UPF3A: variants seen among roughly 807,000 people sequenced by gnomAD.
UPF3A encodes the protein regulator of nonsense transcripts 3A.
UPF3A carries 42 observed loss-of-function variants against 53.5 expected under a neutral mutation model. That is an observed-to-expected ratio of 0.78 (90% confidence interval 0.61 to 1.01). The LOEUF (loss-of-function observed/expected upper bound fraction) is 1.01, where lower values mean the gene tolerates loss of function less well. Among genes scored for constraint, UPF3A ranks in the 50% least tolerant of loss-of-function variants. The probability of loss-of-function intolerance (pLI) is 0.00; values close to 1 mark genes in which losing one functional copy is unlikely to be tolerated. For synonymous variants in UPF3A, 237 were observed against 225.3 expected, an observed-to-expected ratio of 1.05 and a Z score of -0.47; for missense variants, 575 against 598.0, an observed-to-expected ratio of 0.96 and a Z score of 0.40.
chr13:114,282,264 A>T lies in UPF3A; in HGVS notation c.314+137A>T, dbSNP rs901390573. ...TGAGCTTTTTGAATAAATACATTTC[A>T]GTAAAACGTGTCCGTTCCGTCAAAG... On this transcript the variant is annotated intron_variant, in intron 2 of 9. Coordinates refer to ENST00000375299, the MANE Select transcript of UPF3A (RefSeq NM_023011.4). The T allele has an allele frequency of 6.0e-6, 5 of 834,174 alleles. No individual in the cohort carries two copies. The South Asian group carries it at 9.2e-5, about 15-fold the overall frequency. The allele number at this position is 834,174 out of a possible 1,614,324, so 51.7% of individuals were successfully genotyped here. A position where few individuals can be genotyped will look rare whatever the true frequency, so the allele number is the denominator to read the frequency against.
At chr13:114,289,492 C>A (rs1302618686) in intron 5 of UPF3A, among the ~76,000 whole-genome samples, 1 of 149,802 alleles carries the variant, frequency 6.7e-6, no homozygotes, top group African/African-American at 2.5e-5. Flanking sequence ...CCACTGCACT[C>A]CAGCCTGGCG....
chr13:114,289,449 G>A (rs1181526871), intron 5 of UPF3A, among the ~76,000 whole-genome samples: 2 of 151,212 alleles, frequency 1.3e-5, no homozygotes, highest in Non-Finnish European at 2.9e-5. Context: ...GCTTGAACTC[G>A]GCAGGCGGAG....
At chr13:114,297,878 C>T (rs1259029246) in intron 7 of UPF3A, among the ~76,000 whole-genome samples, 2 of 152,092 alleles carry the variant, frequency 1.3e-5, no homozygotes, top group Non-Finnish European at 2.9e-5. Context: ...TGTGGTGGCA[C>T]GCCCCTGTAG....
intron 7 of UPF3A, among the ~76,000 whole-genome samples, chr13:114,296,032 G>A (rs1404405662): frequency 2.6e-5 from 4 of 152,152 alleles, no homozygotes; most frequent in African/African-American, 9.7e-5. Context: ...GAGGTCACCG[G>A]TGGCCAGTGA....
rs143694810 is a variant in UPF3A at position 114,296,123 on chromosome 13, G to A, written c.847-2717G>A. Among the ~76,000 whole-genome samples, 425 of 152,302 alleles carry A rather than the reference G, an allele frequency of 2.8e-3. 3 individuals carry two copies. Among genetic ancestry groups the A allele is most frequent in the African/African-American group, 7.3e-3 (305 of 41,580 alleles). ...CCAGGGGCCAGGCACAGTGGCTCAC[G>A]CCTGTAATCCCAGCTCTTTGGGGGG... is the stretch of plus-strand genomic sequence containing the variant. On this transcript the variant is annotated intron_variant, in intron 7 of 9. Transcript: ENST00000375299.
rs1464743437 is a variant in UPF3A, at chr13:114,305,351, G to A, written c.*434G>A. ...TTCTCGGTGGCCTCTGAGCCATGGTGTCGAGTGAAGAGTAGTTCTTGTTTG... is the reference window on the plus strand; with the variant it reads ...TTCTCGGTGGCCTCTGAGCCATGGTATCGAGTGAAGAGTAGTTCTTGTTTG... On this transcript the variant is annotated 3_prime_UTR_variant, in exon 10 of 10. Coordinates refer to ENST00000375299, the MANE Select transcript of UPF3A (RefSeq NM_023011.4). The A allele has an allele frequency of 2.3e-5, 6 of 260,208 alleles. No individual in the cohort carries two copies. In the East Asian group the frequency reaches 6.3e-4, roughly 27 times the overall value. The allele number at this position is 260,208 out of a possible 1,614,324, so 16.1% of individuals were successfully genotyped here.
At chr13:114,282,407 G>A in intron 2 of UPF3A, 1 of 1,215,548 alleles carries the variant, frequency 8.2e-7, no homozygotes. Flanking sequence ...TGCCCGCCCG[G>A]CGCCTCCCGG....
chr13:114,282,182 G>A (rs1341115868), intron 2 of UPF3A, 55 bp downstream of exon 2: 19 of 1,441,286 alleles, frequency 1.3e-5, no homozygotes, highest in Admixed American at 6.8e-5. Context: ...CTCGGCGGCG[G>A]TGGCCGTCTC....
At chr13:114,303,119 G>C (rs1347541184) in intron 9 of UPF3A, among the ~76,000 whole-genome samples, 1 of 152,040 alleles carries the variant, frequency 6.6e-6, no homozygotes, top group Non-Finnish European at 1.5e-5. Context: ...AAGTTTCAGT[G>C]AAGTCAAGGC....
At chr13:114,292,200 G>T (rs1594790314) in intron 7 of UPF3A, among the ~76,000 whole-genome samples, 1 of 150,998 alleles carries the variant, frequency 6.6e-6, no homozygotes, top group South Asian at 2.1e-4. Context: ...ACGTGCAGGT[G>T]TGTTACGTGT....
intron 7 of UPF3A, 99 bp downstream of exon 7, chr13:114,291,891 G>T: frequency 7.4e-7 from 1 of 1,347,212 alleles, no homozygotes; most frequent in Non-Finnish European, 1.0e-6. Context: ...AAAACATTCT[G>T]AATTAATCTA....
At chr13:114,286,701 T>G in intron 5 of UPF3A, 72 bp downstream of exon 5, 1 of 1,233,540 alleles carries the variant, frequency 8.1e-7, no homozygotes, top group Non-Finnish European at 1.1e-6. Context: ...TTTTTTCTCT[T>G]TTTCTTGACT....
At chr13:114,302,871 G>A (rs1249668717) in intron 9 of UPF3A, among the ~76,000 whole-genome samples, 1 of 152,168 alleles carries the variant, frequency 6.6e-6, no homozygotes, top group Non-Finnish European at 1.5e-5. Flanking sequence ...GGAGGCTGAG[G>A]CGGGTGGATC....
At chr13:114,293,510 G>C (rs61973480) in intron 7 of UPF3A, among the ~76,000 whole-genome samples, 15,152 of 152,164 alleles carry the variant, frequency 0.1, 895 homozygotes, top group Middle Eastern at 0.16. Context: ...ATGAGTTTCT[G>C]TATTTCTTGC....
intron 2 of UPF3A, 99 bp downstream of exon 2, chr13:114,282,226 T>C: frequency 1.0e-6 from 1 of 994,340 alleles, no homozygotes; most frequent in Non-Finnish European, 1.4e-6. Flanking sequence ...ATTTCTCCTA[T>C]ATGGGAGTCG....
At chr13:114,282,376 T>C (rs2084174393) in intron 2 of UPF3A, 2 of 1,138,438 alleles carry the variant, frequency 1.8e-6, no homozygotes, top group Non-Finnish European at 2.3e-6. Flanking sequence ...GGAAAGCGGG[T>C]GCCTTTGAAA....
rs150508409 is a variant in UPF3A, at chr13:114,302,160, C to T, written c.1302+135C>T. ...TGAGCATTTTCAAGAGCAGTTTTTCCTGAAAGTCAGATCCCAGAGTGAGAC... is the reference window on the plus strand; with the variant it reads ...TGAGCATTTTCAAGAGCAGTTTTTCTTGAAAGTCAGATCCCAGAGTGAGAC... On this transcript the variant is annotated intron_variant, in intron 9 of 9. Transcript: ENST00000375299. The T allele has an allele frequency of 3.8e-5, 31 of 810,786 alleles. No individual in the cohort carries two copies. In the African/African-American group the frequency reaches 5.3e-4, roughly 14 times the overall value. 50.2% of individuals were successfully genotyped at this position (810,786 alleles called of 1,614,324 possible). A position where few individuals can be genotyped will look rare whatever the true frequency, so the allele number is the denominator to read the frequency against.
chr13:114,283,794 G>A, intron 3 of UPF3A: 10 of 985,602 alleles, frequency 1.0e-5, no homozygotes, highest in Non-Finnish European at 1.1e-5. Flanking sequence ...CAGGCTGTCT[G>A]CTGTTGTGTT....
intron 3 of UPF3A, 81 bp from the exon 4 acceptor site, chr13:114,286,221 T>G (rs570428846): frequency 1.3e-6 from 2 of 1,553,106 alleles, no homozygotes; most frequent in Non-Finnish European, 1.8e-6. Context: ...ACTTACTCTT[T>G]AAGTAAGTTA....
Sources: gnomAD v4.1 joint callset for allele counts (sites outside exome capture counted in the v4.1 genomes callset) on GRCh38, gnomAD v4.1.1 for gene constraint, MANE v1.5 for transcripts, NCBI Gene and HGNC (gene_info 2026-07-23, HGNC 2026-07-21) for gene names.